Variants in ATP13A5 observed in about 807,000 individuals in gnomAD.
ATP13A5 encodes the protein probable cation-transporting ATPase 13A5.
In ATP13A5, 149 loss-of-function variants were observed where a neutral mutation model predicts 150.2. That is an observed-to-expected ratio of 0.99 (90% CI 0.87 to 1.14). The LOEUF is 1.14. Among genes scored for constraint, ATP13A5 ranks in the 50% most tolerant of loss-of-function variants. ATP13A5 has a pLI of 0.00. For missense variants in ATP13A5, 1,383 were observed against 1,449.3 expected, an observed-to-expected ratio of 0.95 and a Z score of 0.74; for synonymous variants, 497 against 522.2, an observed-to-expected ratio of 0.95 and a Z score of 0.66.
In ATP13A5 at chr3:193,351,079, A is replaced by G; in HGVS notation, c.729T>C (p.Tyr243=). ...TTTCAGGTCTTACCTGTCGCAAATC[A>G]TACACACTTAAGACAATGGAGATAA... is the stretch of plus-strand genomic sequence containing the variant. ...LTVISIVLSV[Y]DLRQQSVKLH... Residue 243 remains tyrosine (Y), a synonymous_variant, in exon 7 of 30, where the codon TAT becomes TAC. Transcript: ENST00000342358. The G allele has an allele frequency of 6.2e-7, 1 of 1,613,386 alleles. No individual in the cohort carries two copies.
intron 9 of ATP13A5, among the ~76,000 whole-genome samples, chr3:193,336,918 T>G: frequency 6.6e-6 from 1 of 152,222 alleles, no homozygotes; most frequent in East Asian, 1.9e-4. Flanking sequence ...GACTTTTTAA[T>G]GATTGCCATT....
chr3:193,279,074 T>C (rs75201411), intron 28 of ATP13A5, among the ~76,000 whole-genome samples: 1,607 of 152,332 alleles, frequency 0.011, 54 homozygotes, highest in East Asian at 0.072. Flanking sequence ...GGAAAATTAT[T>C]GTATTATTGC....
At chr3:193,378,516 C>G in intron 1 of ATP13A5, 147 bp downstream of exon 1, 1 of 707,340 alleles carries the variant, frequency 1.4e-6, no homozygotes, top group Non-Finnish European at 2.4e-6. Flanking sequence ...TGCTTTGCAG[C>G]CCTTAAGGAA....
At chr3:193,376,861 C>A (rs973655120) in intron 1 of ATP13A5, among the ~76,000 whole-genome samples, 2 of 152,190 alleles carry the variant, frequency 1.3e-5, no homozygotes, top group Admixed American at 1.3e-4. Context: ...CTGTGGATTA[C>A]CTGATCAACC....
chr3:193,286,136 T>C (rs1717714448), intron 26 of ATP13A5, among the ~76,000 whole-genome samples: 1 of 152,222 alleles, frequency 6.6e-6, no homozygotes, highest in South Asian at 2.1e-4. Context: ...TTCTTTTTTT[T>C]CAATAATTAA....
intron 1 of ATP13A5, among the ~76,000 whole-genome samples, chr3:193,368,666 A>G (rs1005165236): frequency 6.6e-6 from 1 of 152,202 alleles, no homozygotes; most frequent in Non-Finnish European, 1.5e-5. Flanking sequence ...AGCCACTGCA[A>G]TCTGTGTGGG....
chr3:193,346,528 C>T (rs1382230004), intron 7 of ATP13A5, among the ~76,000 whole-genome samples: 2 of 152,118 alleles, frequency 1.3e-5, no homozygotes, highest in Non-Finnish European at 2.9e-5. Flanking sequence ...ATGCCTCTAA[C>T]TGGAAGTGGG....
rs751840109 is a variant in ATP13A5, at chr3:193,362,750, C to CTTCTTTCTTTCTTTCT, written c.385-129_385-114dup. 80 of 633,106 alleles carry CTTCTTTCTTTCTTTCT rather than the reference C, an allele frequency of 1.3e-4. 3 individuals carry two copies. Among genetic ancestry groups the CTTCTTTCTTTCTTTCT allele is most frequent in the East Asian group, 4.3e-4 (11 of 25,874 alleles). 39.2% of individuals were successfully genotyped at this position (633,106 alleles called of 1,614,324 possible). A position where few individuals can be genotyped will look rare whatever the true frequency, so the allele number is the denominator to read the frequency against. On this transcript the variant is annotated intron_variant, in intron 3 of 29. Coordinates refer to ENST00000342358, the MANE Select transcript of ATP13A5 (RefSeq NM_198505.4). ...CCCCTTGTGGGTCTCACTTGCTTTC[C>CTTCTTTCTTTCTTTCT]TTCTTTCTTTCTTTCTTTCTTTCTT...
rs764299946 is a variant in ATP13A5 at position 193,333,771 on chromosome 3, T to A, written c.1251A>T (p.Leu417=). Residue 417 remains leucine, a synonymous_variant, in exon 11 of 30, where the codon CTA becomes CTT. Coordinates refer to ENST00000342358, the MANE Select transcript of ATP13A5 (RefSeq NM_198505.4). ...TTACTCCATGGTACATATATACCCCTAGGGCATAGAAAAAACCCATGACAC... is the reference window on the plus strand; with the variant it reads ...TTACTCCATGGTACATATATACCCCAAGGGCATAGAAAAAACCCATGACAC... ...CLGVMGFFYA[L]GVYMYHGVPP... is the part of the protein sequence containing the mutation. 6.2e-7 allele frequency: 1 copy of A among 1,613,810 alleles called. No homozygotes were observed. Among genetic ancestry groups the A allele is most frequent in the Non-Finnish European group, 8.5e-7 (1 of 1,179,792 alleles).
chr3:193,359,784 C>T lies in ATP13A5; in HGVS notation c.536+2597G>A, dbSNP rs373834361. Among the ~76,000 whole-genome samples the T allele has an allele frequency of 7.3e-5, 11 of 150,708 alleles. No individual in the cohort carries two copies. The East Asian group carries it at 1.7e-3, about 24-fold the overall frequency. ...GCAAGGTGATTGGTCTGGACTTAAC[C>T]TCAAGTGTGTGTGTGTGCATGTGTG... is the stretch of plus-strand genomic sequence containing the variant. On this transcript the variant is annotated intron_variant, in intron 5 of 29. Coordinates refer to ENST00000342358, the MANE Select transcript of ATP13A5 (RefSeq NM_198505.4).
intron 7 of ATP13A5, among the ~76,000 whole-genome samples, chr3:193,347,493 T>C (rs896154872): frequency 6.6e-6 from 1 of 150,478 alleles, no homozygotes; most frequent in Admixed American, 6.6e-5. Context: ...ATTTTTTTTC[T>C]TTAAGAAGAT....
chr3:193,336,860 A>C (rs980829321), intron 9 of ATP13A5, among the ~76,000 whole-genome samples: 3 of 152,206 alleles, frequency 2.0e-5, no homozygotes, highest in African/African-American at 4.8e-5. Context: ...CCAACAGTGT[A>C]AAAGTGTTCC....
At chr3:193,357,332 G>A (rs924697228) in intron 5 of ATP13A5, among the ~76,000 whole-genome samples, 16 of 152,044 alleles carry the variant, frequency 1.1e-4, no homozygotes, top group African/African-American at 3.4e-4. Flanking sequence ...CCATGAGGAC[G>A]GGGATCCAGT....
intron 17 of ATP13A5, among the ~76,000 whole-genome samples, chr3:193,316,836 T>A (rs1253828338): frequency 6.6e-6 from 1 of 152,188 alleles, no homozygotes; most frequent in Admixed American, 6.5e-5. Flanking sequence ...AGCAAAAGAA[T>A]GAAATTGGAC....
chr3:193,304,042 G>A (rs1483387843), intron 23 of ATP13A5, among the ~76,000 whole-genome samples: 1 of 151,996 alleles, frequency 6.6e-6, no homozygotes, highest in African/African-American at 2.4e-5. Flanking sequence ...AAAATAAGGC[G>A]AGGGTTCTGA....
rs2108843614 is a variant in ATP13A5, at chr3:193,304,693, T to C, written c.2678+866A>G. Reference sequence around the variant, plus strand: ...CATGAGATCAGAAATCAGAGTGGAGTGGAGGGGAGGGAAGCATGCTGTGAA... The same window carrying C: ...CATGAGATCAGAAATCAGAGTGGAGCGGAGGGGAGGGAAGCATGCTGTGAA... On this transcript the variant is annotated intron_variant, in intron 23 of 29. Transcript: ENST00000342358. Among the ~76,000 whole-genome samples, 2 of 151,874 alleles carry C rather than the reference T, an allele frequency of 1.3e-5. 1 individual carries two copies. The highest frequency in any genetic ancestry group is 4.2e-4 in the South Asian group (2 of 4,794).
intron 5 of ATP13A5, among the ~76,000 whole-genome samples, chr3:193,360,549 A>C (rs1414423631): frequency 2.6e-5 from 4 of 152,200 alleles, no homozygotes; most frequent in Non-Finnish European, 5.9e-5. Context: ...TATTCTACTT[A>C]TTCTCTTTTC....
At chr3:193,372,312 A>AAGAAAGG (rs57458521) in intron 1 of ATP13A5, 1 of 73,166 alleles carries the variant, frequency 1.4e-5, no homozygotes, top group Non-Finnish European at 2.4e-5. Flanking sequence ...AAAAAAAAAA[A>AAGAAAGG]GGGGGAAGTT....
chr3:193,352,491 TG>T (rs11299445), intron 6 of ATP13A5, among the ~76,000 whole-genome samples: 81,207 of 151,358 alleles, frequency 0.54, 21,931 homozygotes, highest in African/African-American at 0.6. Flanking sequence ...TAGTTGTACT[TG>T]GTTTTTTTTT....
Sources: gnomAD v4.1 joint callset for allele counts (sites outside exome capture counted in the v4.1 genomes callset) on GRCh38, gnomAD v4.1.1 for gene constraint, MANE v1.5 for transcripts, NCBI Gene and HGNC (gene_info 2026-07-23, HGNC 2026-07-21) for gene names.